Variants in RAB27B observed in about 807,000 individuals in gnomAD.
RAB27B encodes the protein RAB27B, member RAS oncogene family.
A neutral mutation model predicts 24.6 loss-of-function variants in RAB27B; 15 were observed. The ratio of observed to expected loss-of-function variants is 0.61; its 90% confidence interval spans 0.41 to 0.94. RAB27B has a LOEUF of 0.94. RAB27B is among the 40% of genes least tolerant of loss of function. RAB27B has a pLI of 0.00. For missense variants in RAB27B, 261 were observed against 266.8 expected (o/e 0.98, Z 0.15); for synonymous variants, 105 against 92.5 (o/e 1.14, Z -0.78).
intron 1 of RAB27B, among the ~76,000 whole-genome samples, chr18:54,841,156 G>GT (rs1555662083): frequency 8.8e-6 from 1 of 114,246 alleles, no homozygotes; most frequent in Non-Finnish European, 1.8e-5. Context: ...TTGGGTGGCG[G>GT]GGCGGTGGGG....
At position 54,892,314 on chromosome 18, in the gene RAB27B, A is replaced by G. The variant is rs1913400351; in HGVS notation, c.*2901A>G. The G allele has an allele frequency of 6.6e-6, 1 of 152,042 alleles. No homozygotes were observed. The highest frequency in any genetic ancestry group is 2.4e-5 in the African/African-American group (1 of 41,418). 9.4% of individuals were successfully genotyped at this position (152,042 alleles called of 1,614,324 possible). On this transcript the variant is annotated 3_prime_UTR_variant, in exon 6 of 6. Transcript: ENST00000262094. Reference sequence around the variant, plus strand: ...ACCTCTGTGACCAAATTTGTCTCCAACCACATAGCTCATTTCCTATAATGT... The same window carrying G: ...ACCTCTGTGACCAAATTTGTCTCCAGCCACATAGCTCATTTCCTATAATGT...
chr18:54,858,377 G>GTTTTT (rs4071703), intron 1 of RAB27B, among the ~76,000 whole-genome samples: 5 of 127,852 alleles, frequency 3.9e-5, no homozygotes, highest in African/African-American at 1.5e-4. Flanking sequence ...CAGGAAAACT[G>GTTTTT]TTTTTTTTTT....
At chr18:54,790,784 A>T (rs1323066325) in intron 2 of RAB27B, among the ~76,000 whole-genome samples, 1 of 152,202 alleles carries the variant, frequency 6.6e-6, no homozygotes, top group African/African-American at 2.4e-5. Flanking sequence ...GCCCTGGAAA[A>T]TTATGACTTG....
At chr18:54,881,170 G>A (rs1912908922) in intron 3 of RAB27B, among the ~76,000 whole-genome samples, 1 of 152,134 alleles carries the variant, frequency 6.6e-6, no homozygotes, top group African/African-American at 2.4e-5. Flanking sequence ...CACTCAATGC[G>A]CTAGAAGCCA....
intron 1 of RAB27B, among the ~76,000 whole-genome samples, chr18:54,854,459 CT>C (rs892124698): frequency 3.3e-5 from 5 of 152,162 alleles, no homozygotes; most frequent in African/African-American, 9.7e-5. Context: ...TGTTGTGCCT[CT>C]TTTTACCAGC....
chr18:54,742,375 C>T (rs967871385), intron 2 of RAB27B, among the ~76,000 whole-genome samples: 1 of 152,110 alleles, frequency 6.6e-6, no homozygotes, highest in Non-Finnish European at 1.5e-5. Flanking sequence ...TTATAAGCAT[C>T]CTAGCTTGTT....
At chr18:54,790,617 A>AT (rs10713242) in intron 2 of RAB27B, among the ~76,000 whole-genome samples, 72,208 of 150,672 alleles carry the variant, frequency 0.48, 18,366 homozygotes, top group Middle Eastern at 0.59. Context: ...AAACAAAAAT[A>AT]TTTTTTTTCT....
intron 2 of RAB27B, among the ~76,000 whole-genome samples, chr18:54,807,414 G>A (rs1378291853): frequency 1.3e-5 from 2 of 152,100 alleles, no homozygotes; most frequent in Non-Finnish European, 1.5e-5. Flanking sequence ...AGAAGTGTTG[G>A]ACAAGCTTTA....
At chr18:54,799,614 ATTTTTTTTTTTTTTT>A (rs869256244) in intron 2 of RAB27B, among the ~76,000 whole-genome samples, 4 of 67,526 alleles carry the variant, frequency 5.9e-5, no homozygotes, top group Admixed American at 2.2e-4. Flanking sequence ...TAATAAAATG[ATTTTTTTTTTTTTTT>A]TTTTTTTTTT....
intron 2 of RAB27B, among the ~76,000 whole-genome samples, chr18:54,774,459 G>A (rs913613353): frequency 6.6e-6 from 1 of 152,132 alleles, no homozygotes; most frequent in Non-Finnish European, 1.5e-5. Context: ...TGGTTTTCAG[G>A]GTAGAACCAG....
intron 2 of RAB27B, among the ~76,000 whole-genome samples, chr18:54,822,984 A>G (rs1910359034): frequency 6.6e-6 from 1 of 152,256 alleles, no homozygotes; most frequent in Admixed American, 6.5e-5. Flanking sequence ...TTCATTACAC[A>G]TTCTAAGAAA....
rs772332104 is a variant in RAB27B, at chr18:54,888,092, A to G, written c.441A>G (p.Gln147=). 1 of 1,613,094 alleles carries G rather than the reference A, an allele frequency of 6.2e-7. No individual in the cohort carries two copies. The highest frequency in any genetic ancestry group is 1.3e-5 in the African/African-American group (1 of 74,996). Reference sequence around the variant, plus strand: ...ATCAGAGGGAAGTCAATGAACGGCAAGCTCGGGAACTGGCTGACAAATATG... The same window carrying G: ...ATCAGAGGGAAGTCAATGAACGGCAGGCTCGGGAACTGGCTGACAAATATG... ...LPDQREVNER[Q]ARELADKYGI... The change falls in exon 5 of 6, where the codon CAA becomes CAG. Residue 147 remains glutamine, a synonymous_variant. Coordinates refer to ENST00000262094, the MANE Select transcript of RAB27B (RefSeq NM_004163.4).
intron 2 of RAB27B, among the ~76,000 whole-genome samples, chr18:54,793,143 G>C (rs2145115378): frequency 6.6e-6 from 1 of 151,246 alleles, no homozygotes; most frequent in Middle Eastern, 3.4e-3. Flanking sequence ...GCTAACTTAT[G>C]ATATTATTAT....
chr18:54,726,177 T>C (rs1376235443), intron 2 of RAB27B, among the ~76,000 whole-genome samples: 1 of 151,504 alleles, frequency 6.6e-6, no homozygotes, highest in Non-Finnish European at 1.5e-5. Context: ...AGACCTACTC[T>C]TTCCCCCAAG....
chr18:54,757,849 A>G (rs2077339078), intron 2 of RAB27B, among the ~76,000 whole-genome samples: 1 of 152,094 alleles, frequency 6.6e-6, no homozygotes, highest in Admixed American at 6.6e-5. Context: ...TAGGTATGAA[A>G]ACAATCTTTC....
intron 2 of RAB27B, among the ~76,000 whole-genome samples, chr18:54,737,161 G>C (rs1432477323): frequency 6.6e-6 from 1 of 152,102 alleles, no homozygotes; most frequent in African/African-American, 2.4e-5. Flanking sequence ...TTTCCACAAA[G>C]GTCAGTTTCG....
chr18:54,781,534 T>C (rs1908918152), intron 2 of RAB27B, among the ~76,000 whole-genome samples: 1 of 152,130 alleles, frequency 6.6e-6, no homozygotes, highest in Non-Finnish European at 1.5e-5. Flanking sequence ...AATAACTTGA[T>C]ACTTGCACAG....
rs181129732 is a variant in RAB27B, at chr18:54,786,691, T to C, written c.-20+68550T>C. 3.5e-3 allele frequency among the ~76,000 whole-genome samples: 532 copies of C among 152,348 alleles called. 1 individual carries two copies. The highest frequency in any genetic ancestry group is 5.9e-3 in the Non-Finnish European group (399 of 68,030). On this transcript the variant is annotated intron_variant, in intron 2 of 4. Coordinates refer to the RAB27B transcript ENST00000586570. Reference sequence around the variant, plus strand: ...TCATTGAAAATGTTAACATAATACATTTGAGAGATTTAAAATCACTATGAA... The same window carrying C: ...TCATTGAAAATGTTAACATAATACACTTGAGAGATTTAAAATCACTATGAA...
intron 1 of RAB27B, among the ~76,000 whole-genome samples, chr18:54,876,964 T>G: frequency 6.6e-6 from 1 of 152,152 alleles, no homozygotes; most frequent in East Asian, 1.9e-4. Flanking sequence ...CTGTGTTATA[T>G]GGTTTGGCTG....
Sources: allele counts gnomAD v4.1 joint callset (sites outside exome capture counted in the v4.1 genomes callset), GRCh38; gene constraint gnomAD v4.1.1; transcripts MANE v1.5; gene names NCBI Gene and HGNC (gene_info 2026-07-23, HGNC 2026-07-21).